Variants in GTF2F2 observed in about 807,000 individuals in gnomAD.
GTF2F2 encodes ATP-dependent helicase GTF2F2.
GTF2F2 carries 23 observed loss-of-function variants against 42.2 expected under a neutral mutation model. That is an observed-to-expected ratio of 0.55 (90% confidence interval 0.39 to 0.77). GTF2F2 has a LOEUF of 0.77. GTF2F2 is among the 30% of genes least tolerant of loss of function. The pLI is 0.00. For synonymous variants in GTF2F2, 105 were observed against 100.8 expected (o/e 1.04, Z -0.25); for missense variants, 261 against 287.2 (o/e 0.91, Z 0.66).
intron 1 of GTF2F2, among the ~76,000 whole-genome samples, chr13:45,131,821 T>C (rs1189761263): frequency 1.3e-5 from 2 of 148,458 alleles, no homozygotes; most frequent in Non-Finnish European, 3.0e-5. Flanking sequence ...GGGAGTATCG[T>C]TGGAGCCCAG....
intron 5 of GTF2F2, among the ~76,000 whole-genome samples, chr13:45,246,154 G>A (rs901454734): frequency 7.6e-4 from 115 of 150,946 alleles, no homozygotes; most frequent in African/African-American, 2.5e-3. Context: ...GACTGCAGGC[G>A]CCCGCCACCA....
intron 1 of GTF2F2, among the ~76,000 whole-genome samples, chr13:45,132,060 T>C (rs1254199869): frequency 6.6e-6 from 1 of 152,166 alleles, no homozygotes; most frequent in African/African-American, 2.4e-5. Flanking sequence ...ATGAAGACAC[T>C]AATAGGATTG....
chr13:45,256,520 TTTGA>T (rs2138252089), intron 6 of GTF2F2, among the ~76,000 whole-genome samples: 1 of 152,296 alleles, frequency 6.6e-6, no homozygotes, highest in East Asian at 1.9e-4. Flanking sequence ...GTAATGAATC[TTTGA>T]TTAAGATTTT....
chr13:45,273,678 G>A (rs550693316), intron 7 of GTF2F2, among the ~76,000 whole-genome samples: 6 of 75,608 alleles, frequency 7.9e-5, no homozygotes, highest in East Asian at 6.4e-4. Context: ...TTTTTGAGAC[G>A]GAGTCTTGTT....
intron 1 of GTF2F2, among the ~76,000 whole-genome samples, chr13:45,130,533 CAAT>C (rs1436978631): frequency 2.6e-5 from 4 of 152,122 alleles, no homozygotes; most frequent in Non-Finnish European, 5.9e-5. Flanking sequence ...GCTGTTAAAA[CAAT>C]AATTATTCAA....
chr13:45,228,669 C>CTTTTTT (rs57570023), intron 5 of GTF2F2, among the ~76,000 whole-genome samples: 13,042 of 107,202 alleles, frequency 0.12, 1,209 homozygotes, highest in Non-Finnish European at 0.17. Flanking sequence ...CAGAGTTAAT[C>CTTTTTT]TTTTTTTTTT....
intron 6 of GTF2F2, among the ~76,000 whole-genome samples, chr13:45,257,666 G>A (rs540580608): frequency 6.6e-6 from 1 of 152,272 alleles, no homozygotes; most frequent in East Asian, 1.9e-4. Context: ...CCCACTGGGT[G>A]AGGGGGAAAA....
At chr13:45,238,931 C>A in intron 5 of GTF2F2, among the ~76,000 whole-genome samples, 1 of 117,266 alleles carries the variant, frequency 8.5e-6, no homozygotes. Context: ...GCAATAAGAG[C>A]GAAATTCCAT....
At chr13:45,180,424 T>C (rs1195023666) in intron 4 of GTF2F2, among the ~76,000 whole-genome samples, 1 of 152,150 alleles carries the variant, frequency 6.6e-6, no homozygotes, top group East Asian at 1.9e-4. Flanking sequence ...GTTATAATTT[T>C]GTCATTTTTT....
At chr13:45,221,211 A>G (rs570120885) in intron 5 of GTF2F2, among the ~76,000 whole-genome samples, 1 of 152,080 alleles carries the variant, frequency 6.6e-6, no homozygotes. Flanking sequence ...TTTCTCAGGT[A>G]AAAAACCTGG....
chr13:45,214,359 C>G (rs1437959446), intron 5 of GTF2F2, among the ~76,000 whole-genome samples: 1 of 152,082 alleles, frequency 6.6e-6, no homozygotes, highest in Non-Finnish European at 1.5e-5. Context: ...ACACTAACCC[C>G]AAGAAATGAC....
In GTF2F2 at chr13:45,272,945, G is replaced by A. The variant is rs1250016588; in HGVS notation, c.630+5569G>A. Among the ~76,000 whole-genome samples the A allele has an allele frequency of 3.6e-3, 83 of 22,830 alleles. 2 individuals are homozygous for A. The South Asian group carries it at 0.08, about 22-fold the overall frequency. 15.0% of individuals were successfully genotyped at this position (22,830 alleles called of 152,430 possible). A position where few individuals can be genotyped will look rare whatever the true frequency, so the allele number is the denominator to read the frequency against. ...TAATTTTTTTTTTTTTTTTTTTTTT[G>A]AGACGGAGTCTCACTCTGTTGCCCA... On this transcript the variant is annotated intron_variant, in intron 7 of 7. Transcript: ENST00000340473.
chr13:45,256,958 G>A (rs994188031), intron 6 of GTF2F2, among the ~76,000 whole-genome samples: 2 of 151,874 alleles, frequency 1.3e-5, no homozygotes, highest in Non-Finnish European at 2.9e-5. Context: ...AGTGAAAGAG[G>A]GACTGGGAAA....
chr13:45,276,756 G>T (rs1001518494), intron 7 of GTF2F2, among the ~76,000 whole-genome samples: 1 of 152,132 alleles, frequency 6.6e-6, no homozygotes, highest in African/African-American at 2.4e-5. Flanking sequence ...CAGTTTAGAA[G>T]CATGTCTTTA....
chr13:45,265,857 T>G (rs1876540568), intron 6 of GTF2F2, among the ~76,000 whole-genome samples: 1 of 152,202 alleles, frequency 6.6e-6, no homozygotes, highest in Non-Finnish European at 1.5e-5. Flanking sequence ...TTATAATTAT[T>G]CCAGCTGACC....
intron 6 of GTF2F2, among the ~76,000 whole-genome samples, chr13:45,264,790 C>T (rs1193129685): frequency 6.6e-6 from 1 of 152,196 alleles, no homozygotes; most frequent in Non-Finnish European, 1.5e-5. Context: ...TTTCTCTCCA[C>T]AGCCAACTAG....
At chr13:45,261,160 C>T (rs1008029563) in intron 6 of GTF2F2, among the ~76,000 whole-genome samples, 1 of 151,840 alleles carries the variant, frequency 6.6e-6, no homozygotes. Context: ...GGTGCAGTGG[C>T]TCAAGCCAGT....
intron 5 of GTF2F2, among the ~76,000 whole-genome samples, chr13:45,230,270 T>C (rs1196312341): frequency 6.6e-6 from 1 of 151,796 alleles, no homozygotes; most frequent in African/African-American, 2.4e-5. Flanking sequence ...ACTCCAGTAC[T>C]AATTGGTATG....
intron 4 of GTF2F2, among the ~76,000 whole-genome samples, chr13:45,159,407 T>C (rs9534047): frequency 0.17 from 26,113 of 152,274 alleles, 2,577 homozygotes; most frequent in Non-Finnish European, 0.22. Context: ...TTTCTTTTTT[T>C]TGAGACTCAG....
Sources: gnomAD v4.1 joint callset for allele counts (sites outside exome capture counted in the v4.1 genomes callset) on GRCh38, gnomAD v4.1.1 for gene constraint, MANE v1.5 for transcripts, NCBI Gene and HGNC (gene_info 2026-07-23, HGNC 2026-07-21) for gene names.